Variants in ATAD2B observed in about 807,000 individuals in gnomAD.
ATAD2B encodes ATPase family AAA domain-containing protein 2B.
ATAD2B carries 40 observed loss-of-function variants against 167.6 expected under a neutral mutation model. The ratio of observed to expected loss-of-function variants is 0.24; its 90% CI spans 0.19 to 0.31. The LOEUF (loss-of-function observed/expected upper bound fraction) is 0.31, where lower values mean the gene tolerates loss of function less well. ATAD2B is among the 10% of genes least tolerant of loss of function. ATAD2B has a pLI of 1.00. For missense variants in ATAD2B, 1,242 were observed against 1,757.2 expected (o/e 0.71, Z 5.24); for synonymous variants, 579 against 596.5 (o/e 0.97, Z 0.43).
intron 4 of ATAD2B, among the ~76,000 whole-genome samples, chr2:23,886,572 T>G (rs561085726): frequency 6.6e-6 from 1 of 152,300 alleles, no homozygotes; most frequent in South Asian, 2.1e-4. Flanking sequence ...GTAAAAAGTT[T>G]AAAGCCAATA....
chr2:23,795,913 G>T (rs1308593908), intron 19 of ATAD2B, among the ~76,000 whole-genome samples: 2 of 151,558 alleles, frequency 1.3e-5, no homozygotes, highest in Admixed American at 1.3e-4. Context: ...AAGAAAGCAA[G>T]CATTCTAATG....
chr2:23,845,910 T>C (rs527344253), intron 13 of ATAD2B, among the ~76,000 whole-genome samples: 1 of 133,402 alleles, frequency 7.5e-6, no homozygotes, highest in African/African-American at 2.9e-5. Flanking sequence ...GGTAGAAAGA[T>C]GTTCTAAAAT....
intron 2 of ATAD2B, among the ~76,000 whole-genome samples, chr2:23,891,998 A>T (rs1323445627): frequency 6.6e-6 from 1 of 152,150 alleles, no homozygotes; most frequent in Non-Finnish European, 1.5e-5. Flanking sequence ...CAATTCAAAA[A>T]AGCCCAAGTT....
intron 3 of ATAD2B, 76 bp downstream of exon 3, chr2:23,888,274 A>AT (rs1698981730): frequency 2.9e-6 from 3 of 1,033,222 alleles, no homozygotes; most frequent in African/African-American, 1.6e-5. Flanking sequence ...AAATCACTCT[A>AT]TTTTTCCCCA....
chr2:23,873,064 T>C, intron 8 of ATAD2B: 1 of 542,056 alleles, frequency 1.8e-6, no homozygotes, highest in Non-Finnish European at 3.4e-6. Context: ...TTCCCAACTC[T>C]TCAGGAAGAT....
At chr2:23,767,206 A>C (rs1010962909) in intron 22 of ATAD2B, among the ~76,000 whole-genome samples, 2 of 151,654 alleles carry the variant, frequency 1.3e-5, no homozygotes, top group Non-Finnish European at 2.9e-5. Context: ...ACCCTAACTC[A>C]TTCCTATTAC....
intron 18 of ATAD2B, among the ~76,000 whole-genome samples, chr2:23,804,109 G>A (rs1347605877): frequency 1.3e-5 from 2 of 152,150 alleles, no homozygotes; most frequent in Non-Finnish European, 2.9e-5. Context: ...TTCAGCACCT[G>A]ACTCATGCAC....
chr2:23,706,977 T>C, the ATAD2B span: 2 of 245,618 alleles, frequency 8.1e-6, no homozygotes, highest in African/African-American at 4.5e-5. Flanking sequence ...AGAGAAGCTG[T>C]TTTTTCCTTC....
chr2:23,775,694 G>T (rs1015766887), intron 22 of ATAD2B, among the ~76,000 whole-genome samples: 23 of 152,158 alleles, frequency 1.5e-4, no homozygotes, highest in Non-Finnish European at 3.2e-4. Flanking sequence ...GACTTACACT[G>T]GGCAAGAACT....
rs1675060608 is a variant in ATAD2B at position 23,748,742 on chromosome 2, T to C, written c.*3304A>G. Reference sequence around the variant, plus strand: ...ACAGTAAATGTTCAAATTCCAGAATTCAAAAATTAAATAATTTACTTCAAC... The same window carrying C: ...ACAGTAAATGTTCAAATTCCAGAATCCAAAAATTAAATAATTTACTTCAAC... On this transcript the variant is annotated 3_prime_UTR_variant, in exon 28 of 28. Transcript: ENST00000238789. 1.3e-5 allele frequency: 2 copies of C among 152,122 alleles called. No individual in the cohort carries two copies. Among genetic ancestry groups the C allele is most frequent in the South Asian group, 4.1e-4 (2 of 4,826 alleles). 9.4% of individuals were successfully genotyped at this position (152,122 alleles called of 1,614,324 possible).
chr2:23,756,392 GAAAA>G (rs985052582), intron 25 of ATAD2B, among the ~76,000 whole-genome samples: 3 of 144,574 alleles, frequency 2.1e-5, no homozygotes, highest in East Asian at 2.0e-4. Flanking sequence ...AATACTGGCA[GAAAA>G]AAAAAAAATT....
chr2:23,833,381 T>A (rs547522288), intron 14 of ATAD2B, among the ~76,000 whole-genome samples: 1 of 20,756 alleles, frequency 4.8e-5, no homozygotes, highest in Non-Finnish European at 9.4e-5. Context: ...AAGTTTGAAG[T>A]TGAATTGGGA....
chr2:23,683,145 A>C, the ATAD2B span, among the ~76,000 whole-genome samples: 1 of 152,214 alleles, frequency 6.6e-6, no homozygotes, highest in Admixed American at 6.5e-5. Flanking sequence ...TGGGGCCAGG[A>C]AGGAGTCCTG....
the ATAD2B span, among the ~76,000 whole-genome samples, chr2:23,714,096 T>C: frequency 6.6e-6 from 1 of 152,198 alleles, no homozygotes; most frequent in African/African-American, 2.4e-5. Flanking sequence ...TCTTCTCTTC[T>C]AAATTATGAT....
At chr2:23,762,441 A>C in intron 23 of ATAD2B, 95 bp from the exon 24 acceptor site, 1 of 1,323,794 alleles carries the variant, frequency 7.6e-7, no homozygotes, top group Non-Finnish European at 1.0e-6. Context: ...ACTGAGTTTT[A>C]AAGTCATTAA....
At chr2:23,754,804 G>A in intron 25 of ATAD2B, 30 bp from the exon 26 acceptor site, 1 of 1,594,352 alleles carries the variant, frequency 6.3e-7, no homozygotes, top group South Asian at 1.1e-5. Context: ...ATACACTGCA[G>A]CAAGTAAAAG....
At chr2:23,835,150 A>T (rs967655498) in intron 13 of ATAD2B, among the ~76,000 whole-genome samples, 1 of 152,204 alleles carries the variant, frequency 6.6e-6, no homozygotes, top group Admixed American at 6.5e-5. Flanking sequence ...AGAGTATTGC[A>T]GTTCCTCTGT....
rs150559082 is a variant in ATAD2B at position 23,900,002 on chromosome 2, T to C, written c.217-4032A>G. Among the ~76,000 whole-genome samples, 646 of 139,252 alleles carry C rather than the reference T, an allele frequency of 4.6e-3. 1 individual carries two copies. Among genetic ancestry groups the C allele is most frequent in the Non-Finnish European group, 7.7e-3 (503 of 65,308 alleles). The allele number at this position is 139,252 out of a possible 152,430, so 91.4% of individuals were successfully genotyped here. ...ACAGTGGTCTCGGCTCACTGCAACTTCCACCTCCCAGTTCAAGCAATTCTC... is the reference window on the plus strand; with the variant it reads ...ACAGTGGTCTCGGCTCACTGCAACTCCCACCTCCCAGTTCAAGCAATTCTC... On this transcript the variant is annotated intron_variant, in intron 1 of 27. Transcript: ENST00000238789.
At chr2:23,857,525 A>T (rs1693609566) in intron 12 of ATAD2B, 22 bp from the exon 13 acceptor site, 4 of 1,095,362 alleles carry the variant, frequency 3.7e-6, no homozygotes, top group Admixed American at 3.6e-5. Context: ...AAAACAAATA[A>T]TATTTATTGT....
Sources: gnomAD v4.1 joint callset for allele counts (sites outside exome capture counted in the v4.1 genomes callset) on GRCh38, gnomAD v4.1.1 for gene constraint, MANE v1.5 for transcripts, NCBI Gene and HGNC (gene_info 2026-07-23, HGNC 2026-07-21) for gene names.